CNTNAP5: variants seen among roughly 807,000 people sequenced by gnomAD.
CNTNAP5 encodes contactin associated protein family member 5, also known as contactin-associated protein-like 5.
CNTNAP5 carries 72 observed loss-of-function variants against 150.2 expected under a neutral mutation model. The ratio of observed to expected loss-of-function variants is 0.48; its 90% CI spans 0.40 to 0.58. The LOEUF (loss-of-function observed/expected upper bound fraction) is 0.58. Among genes scored for constraint, CNTNAP5 ranks in the 20% least tolerant of loss-of-function variants. CNTNAP5 has a pLI of 0.00. For synonymous variants in CNTNAP5, 672 were observed against 619.8 expected (o/e 1.08, Z -1.25); for missense variants, 1,636 against 1,626.2 (o/e 1.01, Z -0.10).
At chr2:124,686,152 A>G (rs1679189390) in intron 13 of CNTNAP5, among the ~76,000 whole-genome samples, 1 of 152,064 alleles carries the variant, frequency 6.6e-6, no homozygotes, top group Non-Finnish European at 1.5e-5. Context: ...GGAGAATTCA[A>G]TTCAATCTTT....
chr2:124,283,309 T>C (rs560722100), intron 3 of CNTNAP5, among the ~76,000 whole-genome samples: 23 of 152,290 alleles, frequency 1.5e-4, no homozygotes, highest in African/African-American at 5.1e-4. Flanking sequence ...CACACCACAA[T>C]GGAATGTCAG....
intron 3 of CNTNAP5, among the ~76,000 whole-genome samples, chr2:124,277,378 G>C (rs1045782984): frequency 6.6e-6 from 1 of 152,114 alleles, no homozygotes; most frequent in African/African-American, 2.4e-5. Flanking sequence ...AGCCAAAGGA[G>C]AGAAACCATA....
chr2:124,455,954 C>T (rs2420857), intron 6 of CNTNAP5, among the ~76,000 whole-genome samples: 30,798 of 152,068 alleles, frequency 0.2, 3,415 homozygotes, highest in East Asian at 0.33. Context: ...CCACATGCAA[C>T]GTAATACTGA....
chr2:124,334,030 T>G (rs1225991326), intron 3 of CNTNAP5, among the ~76,000 whole-genome samples: 2 of 151,850 alleles, frequency 1.3e-5, no homozygotes, highest in Non-Finnish European at 2.9e-5. Flanking sequence ...ACCCAAAAGA[T>G]CACACAGCTG....
At chr2:124,661,334 T>C (rs1308828135) in intron 13 of CNTNAP5, among the ~76,000 whole-genome samples, 3 of 152,176 alleles carry the variant, frequency 2.0e-5, no homozygotes, top group African/African-American at 7.2e-5. Context: ...CTATTTTTAA[T>C]CTTTTAATCT....
chr2:124,221,660 C>A, intron 1 of CNTNAP5, 45 bp from the exon 2 acceptor site: 1 of 1,185,594 alleles, frequency 8.4e-7, no homozygotes, highest in Non-Finnish European at 1.2e-6. Context: ...ATGTTTCTTG[C>A]TAATAGAATC....
intron 1 of CNTNAP5, among the ~76,000 whole-genome samples, chr2:124,142,593 AG>A (rs1684143212): frequency 7.2e-6 from 1 of 138,034 alleles, no homozygotes; most frequent in Non-Finnish European, 1.5e-5. Flanking sequence ...GAAACCAACG[AG>A]AACAAAGACA....
rs1375138284 is a variant in CNTNAP5, at chr2:124,142,739, CA to C, written c.83-78964del. Among the ~76,000 whole-genome samples, 9 of 136,888 alleles carry C rather than the reference CA, an allele frequency of 6.6e-5. No individual in the cohort carries two copies. The East Asian group carries it at 2.0e-3, about 31-fold the overall frequency. The allele number at this position is 136,888 out of a possible 152,430, so 89.8% of individuals were successfully genotyped here. On this transcript the variant is annotated intron_variant, in intron 1 of 23. Coordinates refer to ENST00000682447, the MANE Select transcript of CNTNAP5 (RefSeq NM_001367498.1). ...ATCACAATTAAAAGAACTAGAAAAG[CA>C]AGAGCAAACACATTCAAAAGCTAGC...
intron 13 of CNTNAP5, among the ~76,000 whole-genome samples, chr2:124,670,925 T>C (rs1678810900): frequency 6.6e-6 from 1 of 152,190 alleles, no homozygotes; most frequent in African/African-American, 2.4e-5. Flanking sequence ...TACTAACTTA[T>C]GTAAGCATGT....
chr2:124,582,196 G>A (rs1196081976), intron 11 of CNTNAP5, among the ~76,000 whole-genome samples: 2 of 152,140 alleles, frequency 1.3e-5, no homozygotes, highest in Non-Finnish European at 2.9e-5. Context: ...CTCGGTGGCT[G>A]TGTCTCGTGT....
chr2:124,477,956 C>A (rs1012404399), intron 7 of CNTNAP5, among the ~76,000 whole-genome samples: 6 of 152,024 alleles, frequency 3.9e-5, no homozygotes, highest in African/African-American at 1.4e-4. Flanking sequence ...ATTGCACACT[C>A]ATTGTTCATA....
intron 2 of CNTNAP5, among the ~76,000 whole-genome samples, chr2:124,240,140 A>T (rs1180392561): frequency 6.6e-6 from 1 of 152,172 alleles, no homozygotes; most frequent in African/African-American, 2.4e-5. Context: ...ACTTAAAAGG[A>T]TATTGTATAT....
At chr2:124,618,499 G>A (rs768196630) in intron 12 of CNTNAP5, among the ~76,000 whole-genome samples, 8 of 152,140 alleles carry the variant, frequency 5.3e-5, no homozygotes, top group Non-Finnish European at 8.8e-5. Context: ...CTGTGCCTCT[G>A]GAGATCTGTG....
At chr2:124,618,821 G>A (rs1043722533) in intron 12 of CNTNAP5, among the ~76,000 whole-genome samples, 6 of 152,130 alleles carry the variant, frequency 3.9e-5, no homozygotes, top group African/African-American at 1.2e-4. Context: ...GAGGGTAGGG[G>A]CTGTAAGTGG....
Position 124,080,784 on chromosome 2 carries a change from G to A in CNTNAP5, c.82+55052G>A, listed in dbSNP as rs536276983. Among the ~76,000 whole-genome samples the A allele has an allele frequency of 3.3e-5, 5 of 152,244 alleles. No homozygotes were observed. In the South Asian group the frequency reaches 1.0e-3, roughly 32 times the overall value. Reference sequence around the variant, plus strand: ...ATTATTTTTAGTGTATCTATCTGAAGCAATTATACAATACATTGATTTTCA... The same window carrying A: ...ATTATTTTTAGTGTATCTATCTGAAACAATTATACAATACATTGATTTTCA... On this transcript the variant is annotated intron_variant, in intron 1 of 23. Coordinates refer to ENST00000682447, the MANE Select transcript of CNTNAP5 (RefSeq NM_001367498.1).
rs911591649 is a variant in CNTNAP5, at chr2:124,399,522, G to A, written c.382-17921G>A. Among the ~76,000 whole-genome samples the A allele has an allele frequency of 5.9e-5, 9 of 152,060 alleles. No homozygotes were observed. In the East Asian group the frequency reaches 1.7e-3, roughly 29 times the overall value. ...TCTGCTGGTGTAGACGTTCATCCCT[G>A]GAAGTGATCCTGGAAAGCTCTGGGG... On this transcript the variant is annotated intron_variant, in intron 3 of 23. Transcript: ENST00000682447.
intron 10 of CNTNAP5, among the ~76,000 whole-genome samples, chr2:124,546,169 G>T (rs1298759186): frequency 6.6e-6 from 1 of 152,068 alleles, no homozygotes; most frequent in Non-Finnish European, 1.5e-5. Flanking sequence ...TGTGTCAGAA[G>T]ATTAAATAAA....
chr2:124,516,188 T>G (rs923623462), intron 8 of CNTNAP5, among the ~76,000 whole-genome samples: 5 of 152,336 alleles, frequency 3.3e-5, no homozygotes, highest in Admixed American at 2.6e-4. Flanking sequence ...ACTCAGGCTC[T>G]AAATTGTAGC....
At position 124,577,094 on chromosome 2, in the gene CNTNAP5, G is replaced by C. The variant is rs549052117; in HGVS notation, c.1756+13771G>C. Among the ~76,000 whole-genome samples, 4 of 152,206 alleles carry C rather than the reference G, an allele frequency of 2.6e-5. 1 individual carries two copies. Among genetic ancestry groups the C allele is most frequent in the Admixed American group, 2.6e-4 (4 of 15,296 alleles). ...GTAGCTATAAGATTTATTTCTTTTAGGTAGTAAAATGTACCTTCTAACTTT... is the reference window on the plus strand; with the variant it reads ...GTAGCTATAAGATTTATTTCTTTTACGTAGTAAAATGTACCTTCTAACTTT... On this transcript the variant is annotated intron_variant, in intron 11 of 23. Transcript: ENST00000682447.
Sources: gnomAD v4.1 joint callset for allele counts (sites outside exome capture counted in the v4.1 genomes callset) on GRCh38, gnomAD v4.1.1 for gene constraint, MANE v1.5 for transcripts, NCBI Gene and HGNC (gene_info 2026-07-23, HGNC 2026-07-21) for gene names.